The following ACAP2 variants were observed in gnomAD, a reference collection of about 807,000 sequenced individuals.
ACAP2 encodes arf-GAP with coiled-coil, ANK repeat and PH domain-containing protein 2.
A neutral mutation model predicts 115.8 loss-of-function variants in ACAP2; 39 were observed. The observed-to-expected ratio is 0.34, with a 90% CI of 0.26 to 0.44. ACAP2 has a LOEUF of 0.44. Among genes scored for constraint, ACAP2 ranks in the 20% least tolerant of loss-of-function variants. The pLI is 1.00. For missense variants in ACAP2, 662 were observed against 927.6 expected, an observed-to-expected ratio of 0.71 and a Z score of 3.72; for synonymous variants, 289 against 315.8, an observed-to-expected ratio of 0.92 and a Z score of 0.90.
At chr3:195,412,239 G>T (rs56282022) in intron 1 of ACAP2, among the ~76,000 whole-genome samples, 1 of 137,706 alleles carries the variant, frequency 7.3e-6, no homozygotes, top group Non-Finnish European at 1.6e-5. Context: ...TAAAGAAGAA[G>T]AATTGGCTTA....
chr3:195,288,415 C>T (rs1726990839), intron 21 of ACAP2, among the ~76,000 whole-genome samples: 1 of 152,118 alleles, frequency 6.6e-6, no homozygotes, highest in Non-Finnish European at 1.5e-5. Flanking sequence ...TACCAACCAA[C>T]TTCGAAGTTC....
rs1484986355 is a variant in ACAP2 at position 195,325,017 on chromosome 3, T to C, written c.744+1868A>G. Among the ~76,000 whole-genome samples the C allele has an allele frequency of 7.2e-5, 11 of 152,056 alleles. 1 individual carries two copies. The highest frequency in any genetic ancestry group is 5.9e-4 in the Admixed American group (9 of 15,266). On this transcript the variant is annotated intron_variant, in intron 9 of 22. Transcript: ENST00000326793. ...AAGATATGCAAAAGACCAATAGATA[T>C]AAGATAAGGTGCTTAAGCTCATTAG... is the stretch of plus-strand genomic sequence containing the variant.
chr3:195,354,465 C>G, intron 4 of ACAP2, among the ~76,000 whole-genome samples: 1 of 152,178 alleles, frequency 6.6e-6, no homozygotes, highest in Non-Finnish European at 1.5e-5. Flanking sequence ...TGAGTGTTAG[C>G]CACATGTATG....
chr3:195,301,521 A>C, intron 15 of ACAP2, 54 bp downstream of exon 15: 1 of 1,346,162 alleles, frequency 7.4e-7, no homozygotes, highest in South Asian at 1.2e-5. Flanking sequence ...AGATTCTAAA[A>C]TCTTCACTTT....
intron 8 of ACAP2, among the ~76,000 whole-genome samples, chr3:195,330,593 C>A (rs953448223): frequency 1.3e-5 from 2 of 152,162 alleles, no homozygotes; most frequent in South Asian, 4.2e-4. Context: ...TCCTTACCCC[C>A]AAGTCTGGCT....
rs868095437 is a variant in ACAP2 at position 195,281,914 on chromosome 3, T to C, written c.2237-2486A>G. Among the ~76,000 whole-genome samples the C allele has an allele frequency of 2.0e-5, 3 of 151,606 alleles. No individual in the cohort carries two copies. The South Asian group carries it at 6.2e-4, about 31-fold the overall frequency. On this transcript the variant is annotated intron_variant, in intron 22 of 22. Coordinates refer to ENST00000326793, the MANE Select transcript of ACAP2 (RefSeq NM_012287.6). ...TATTTAAACTGGATAGTCTGGAATT[T>C]TCCTTTCCAAGAAAGTGTAAAGTGC...
In ACAP2 at chr3:195,284,098, G is replaced by A. The variant is rs147069720; in HGVS notation, c.2236+1698C>T. ...AGCTTCCCAACTCCAGAGAAGAGTC[G>A]ACCACTGACCACCTGGCTAATCAGC... On this transcript the variant is annotated intron_variant, in intron 22 of 22. Transcript: ENST00000326793. Among the ~76,000 whole-genome samples, 388 of 152,202 alleles carry A rather than the reference G, an allele frequency of 2.5e-3. No homozygotes were observed. In the Middle Eastern group the frequency reaches 0.027, roughly 11 times the overall value.
intron 4 of ACAP2, among the ~76,000 whole-genome samples, chr3:195,345,567 T>C (rs1200593592): frequency 6.6e-6 from 1 of 152,214 alleles, no homozygotes; most frequent in African/African-American, 2.4e-5. Flanking sequence ...TTAAATAGAA[T>C]GCTCAAACAA....
At position 195,377,138 on chromosome 3, in the gene ACAP2, C is replaced by CTTTTTTTTTTTTTT. The variant is rs749352761; in HGVS notation, c.285+3857_285+3870dup. ...CATTTTACAGAGGAGGAATGTAAAT[C>CTTTTTTTTTTTTTT]TTTTTTTTTTTTTTTTTTTTTTTGG... On this transcript the variant is annotated intron_variant, in intron 4 of 22. Transcript: ENST00000326793. 8.4e-3 allele frequency among the ~76,000 whole-genome samples: 645 copies of CTTTTTTTTTTTTTT among 77,098 alleles called. 94 individuals are homozygous for CTTTTTTTTTTTTTT. Among genetic ancestry groups the CTTTTTTTTTTTTTT allele is most frequent in the East Asian group, 0.019 (30 of 1,600 alleles). The allele number at this position is 77,098 out of a possible 152,430, so 50.6% of individuals were successfully genotyped here. A position where few individuals can be genotyped will look rare whatever the true frequency, so the allele number is the denominator to read the frequency against.
chr3:195,293,277 T>C (rs1432460200), intron 18 of ACAP2, among the ~76,000 whole-genome samples: 8 of 152,198 alleles, frequency 5.3e-5, no homozygotes, highest in East Asian at 1.9e-4. Flanking sequence ...ACCATCCCAA[T>C]TGGCACTACA....
chr3:195,406,463 A>G (rs116918843), intron 1 of ACAP2, among the ~76,000 whole-genome samples: 1 of 152,338 alleles, frequency 6.6e-6, no homozygotes, highest in East Asian at 1.9e-4. Context: ...TTTCTACAGC[A>G]TCATAGTTGC....
intron 7 of ACAP2, among the ~76,000 whole-genome samples, chr3:195,333,540 T>C (rs567089482): frequency 2.6e-5 from 4 of 152,322 alleles, no homozygotes; most frequent in South Asian, 2.1e-4. Flanking sequence ...TCATCTGTTT[T>C]AAAAGTGTAT....
chr3:195,386,578 T>C (rs1017950340), intron 2 of ACAP2, among the ~76,000 whole-genome samples: 3 of 152,006 alleles, frequency 2.0e-5, no homozygotes, highest in South Asian at 4.2e-4. Flanking sequence ...CACTCATAAG[T>C]AGGAGTTGAA....
In ACAP2 at chr3:195,342,535, GCTT is replaced by G; in HGVS notation, c.461_463del (p.Glu154del). 6.2e-7 allele frequency: 1 copy of G among 1,612,646 alleles called. No homozygotes were observed. Among genetic ancestry groups the G allele is most frequent in the Non-Finnish European group, 8.5e-7 (1 of 1,179,640 alleles). On this transcript the variant is annotated inframe_deletion, in exon 6 of 23. Transcript: ENST00000326793. ...TCTTGTTGCTGTCAGAATGTTGGTGGCTTCTTCAACTTCATGTTGTTTGTTTCT... is the reference window on the plus strand; with the variant it reads ...TCTTGTTGCTGTCAGAATGTTGGTGGCTTCAACTTCATGTTGTTTGTTTCT...
intron 1 of ACAP2, among the ~76,000 whole-genome samples, chr3:195,417,926 G>A (rs563366306): frequency 1.3e-5 from 2 of 151,824 alleles, no homozygotes; most frequent in East Asian, 3.9e-4. Flanking sequence ...GGGTGACAGA[G>A]GGAGATCCTG....
At chr3:195,318,151 T>C (rs1729215288) in intron 10 of ACAP2, among the ~76,000 whole-genome samples, 1 of 152,202 alleles carries the variant, frequency 6.6e-6, no homozygotes, top group Non-Finnish European at 1.5e-5. Context: ...TAATTCTAAG[T>C]TTCCTGAGGC....
intron 4 of ACAP2, among the ~76,000 whole-genome samples, chr3:195,359,086 T>C (rs1371550933): frequency 6.6e-6 from 1 of 152,112 alleles, no homozygotes. Context: ...GAAGCAAAAA[T>C]ATCCTTCAAA....
chr3:195,283,051 C>A (rs570505231), intron 22 of ACAP2, among the ~76,000 whole-genome samples: 1 of 152,170 alleles, frequency 6.6e-6, no homozygotes, highest in Non-Finnish European at 1.5e-5. Context: ...TTACTTAGAT[C>A]AGCGATTCCC....
Position 195,289,130 on chromosome 3 carries a change from A to G in ACAP2, c.2165T>C (p.Ile722Thr), listed in dbSNP as rs777983830. The G allele has an allele frequency of 1.2e-6, 2 of 1,608,228 alleles. No homozygotes were observed. The highest frequency in any genetic ancestry group is 8.5e-7 in the Non-Finnish European group (1 of 1,178,316). Reference protein sequence around the residue: ...SIAVEAANADIVTLLRLARMN... With the variant: ...SIAVEAANADTVTLLRLARMN... ...AAAAGGAAGTACTTACAAGGTGACT[A>G]TATCAGCATTGGCTGCTTCCACAGC... The change falls in exon 21 of 23, where the codon ATA becomes ACA. Residue 722 changes from isoleucine (I) to threonine (T), a missense_variant. Physicochemically the swap from Ile to Thr is moderately conservative, Grantham distance 89. This residue lies in a region of ACAP2 where 128 missense variants were observed against 200.2 expected (regional missense o/e 0.64). Coordinates refer to ENST00000326793, the MANE Select transcript of ACAP2 (RefSeq NM_012287.6).
Sources: allele counts gnomAD v4.1 joint callset (sites outside exome capture counted in the v4.1 genomes callset), GRCh38; gene constraint gnomAD v4.1.1; regional missense constraint gnomAD v4.1.1; transcripts MANE v1.5; gene names NCBI Gene and HGNC (gene_info 2026-07-23, HGNC 2026-07-21).